The following SLC9B2 variants were observed in gnomAD, a reference collection of about 807,000 sequenced individuals.
SLC9B2 encodes the protein solute carrier family 9 member B2.
Under a neutral mutation model 52.2 loss-of-function variants are expected in SLC9B2, and 39 were observed. The ratio of observed to expected loss-of-function variants is 0.75; its 90% CI spans 0.58 to 0.98. SLC9B2 has a LOEUF of 0.98. Among genes scored for constraint, SLC9B2 ranks in the 50% least tolerant of loss-of-function variants. The pLI is 0.00. For missense variants in SLC9B2, 626 were observed against 637.5 expected, an observed-to-expected ratio of 0.98 and a Z score of 0.19; for synonymous variants, 214 against 227.0, an observed-to-expected ratio of 0.94 and a Z score of 0.51.
intron 11 of SLC9B2, among the ~76,000 whole-genome samples, chr4:103,027,211 G>A (rs1257623708): frequency 6.6e-6 from 1 of 152,088 alleles, no homozygotes. Context: ...AAAGTTCTAT[G>A]TACTAAATTT....
At chr4:103,021,178 C>A (rs2110556999), downstream of SLC9B2, among the ~76,000 whole-genome samples, 1 of 152,252 alleles carries the variant, frequency 6.6e-6, no homozygotes, top group South Asian at 2.1e-4. Context: ...CTGTTTGCCT[C>A]CAAGGCACTA....
chr4:103,046,766 C>T (rs996665011), intron 7 of SLC9B2, among the ~76,000 whole-genome samples: 1 of 151,696 alleles, frequency 6.6e-6, no homozygotes, highest in Non-Finnish European at 1.5e-5. Flanking sequence ...GAAGCCTGAA[C>T]GTTCCTGGAT....
At chr4:103,028,312 T>A (rs1231183480) in intron 11 of SLC9B2, among the ~76,000 whole-genome samples, 2 of 152,114 alleles carry the variant, frequency 1.3e-5, no homozygotes, top group Admixed American at 1.3e-4. Flanking sequence ...AAGACTCTGG[T>A]CAAGCTCAAC....
Position 103,047,044 on chromosome 4 carries a change from A to C in SLC9B2, c.889+7T>G. The C allele has an allele frequency of 6.2e-7, 1 of 1,613,626 alleles. No individual in the cohort carries two copies. ...GAGTAAAGCCTGTTGTGAACTGATTAGGTTACCTGTGGAAAAGGCTATGCC... is the reference window on the plus strand; with the variant it reads ...GAGTAAAGCCTGTTGTGAACTGATTCGGTTACCTGTGGAAAAGGCTATGCC... On this transcript the variant is annotated splice_region_variant and intron_variant, in intron 7 of 11. Coordinates refer to ENST00000394785, the MANE Select transcript of SLC9B2 (RefSeq NM_178833.7).
At position 103,074,703 on chromosome 4, in the gene SLC9B2, C is replaced by T. The variant is rs368837584; in HGVS notation, c.-43+1481G>A. 1.6e-4 allele frequency among the ~76,000 whole-genome samples: 24 copies of T among 152,324 alleles called. No homozygotes were observed. In the East Asian group the frequency reaches 2.1e-3, roughly 13 times the overall value. On this transcript the variant is annotated intron_variant, in intron 1 of 11. Transcript: ENST00000394785. ...GAAGTTAAATTGTAATATTTGAATA[C>T]TGAATGAAGAAAAGTTGGACTTATA...
At position 103,028,798 on chromosome 4, in the gene SLC9B2, T is replaced by C; in HGVS notation, c.1341A>G (p.Leu447=). The C allele has an allele frequency of 6.2e-7, 1 of 1,610,238 alleles. No homozygotes were observed. The highest frequency in any genetic ancestry group is 8.5e-7 in the Non-Finnish European group (1 of 1,178,756). The change falls in exon 11 of 12, where the codon TTA becomes TTG. Residue 447 remains leucine, a synonymous_variant. Transcript: ENST00000394785. The part of the protein sequence containing the change: ...FLMVCFAGFN[L]KEKIFISFAW... ...CAAAAGAAATAAATATCTTTTCTTT[T>C]AAGTTAAAACCAGCAAAACACACCA... is the stretch of plus-strand genomic sequence containing the variant.
chr4:103,038,124 G>A (rs1237804165), intron 9 of SLC9B2, among the ~76,000 whole-genome samples: 1 of 152,064 alleles, frequency 6.6e-6, no homozygotes, highest in African/African-American at 2.4e-5. Flanking sequence ...AGCCTCCAAA[G>A]TGCTGGGATT....
rs1330936462 is a variant in SLC9B2, at chr4:103,076,478, A to T, written c.-337T>A. On this transcript the variant is annotated 5_prime_UTR_variant, in exon 1 of 12. Transcript: ENST00000394785. ...AAGCATGGGTTGGTCCGGGGCCCGC[A>T]GCGGCAGCCCCGTGTGCCCTCCGCC... The T allele has an allele frequency of 6.6e-6, 1 of 152,162 alleles. No homozygotes were observed. The highest frequency in any genetic ancestry group is 2.4e-5 in the African/African-American group (1 of 41,430). 9.4% of individuals were successfully genotyped at this position (152,162 alleles called of 1,614,324 possible).
Position 103,026,283 on chromosome 4 carries a change from A to T in SLC9B2, c.*87T>A. 1.6e-6 allele frequency: 2 copies of T among 1,239,846 alleles called. No individual in the cohort carries two copies. The highest frequency in any genetic ancestry group is 1.5e-5 in the African/African-American group (1 of 66,376). The allele number at this position is 1,239,846 out of a possible 1,614,324, so 76.8% of individuals were successfully genotyped here. ...TACACTTTTGGTTCTATTACATTTT[A>T]AGCTTAAACATTACATATTTCAATA... On this transcript the variant is annotated 3_prime_UTR_variant, in exon 12 of 12. Transcript: ENST00000394785.
chr4:103,048,630 C>T (rs1296554472), intron 6 of SLC9B2: 1 of 305,242 alleles, frequency 3.3e-6, no homozygotes, highest in African/African-American at 2.2e-5. Flanking sequence ...AATCCGGTAT[C>T]TCTTTAACAG....
chr4:103,032,827 C>G (rs922578081), intron 9 of SLC9B2, among the ~76,000 whole-genome samples: 1 of 152,192 alleles, frequency 6.6e-6, no homozygotes, highest in African/African-American at 2.4e-5. Flanking sequence ...TCAGCAAATT[C>G]TGCAAGCACA....
chr4:103,052,566 C>T (rs1182914642), intron 4 of SLC9B2, among the ~76,000 whole-genome samples: 1 of 152,136 alleles, frequency 6.6e-6, no homozygotes, highest in Non-Finnish European at 1.5e-5. Flanking sequence ...ATTATCATTA[C>T]AATAGCTCTT....
intron 4 of SLC9B2, among the ~76,000 whole-genome samples, chr4:103,055,244 TG>T (rs1745028696): frequency 1.7e-5 from 1 of 57,310 alleles, no homozygotes. Flanking sequence ...TGTTGTGGGG[TG>T]GGGGGAGGGA....
At chr4:103,050,884 T>A (rs1424642020) in intron 4 of SLC9B2, among the ~76,000 whole-genome samples, 1 of 152,254 alleles carries the variant, frequency 6.6e-6, no homozygotes, top group African/African-American at 2.4e-5. Context: ...TGCCCTGTCA[T>A]GTCAGCTGGT....
At chr4:103,064,080 G>T (rs1402207661) in intron 3 of SLC9B2, among the ~76,000 whole-genome samples, 1 of 152,154 alleles carries the variant, frequency 6.6e-6, no homozygotes, top group East Asian at 1.9e-4. Context: ...ATGGAAAATG[G>T]TATGGAGAGT....
At chr4:103,019,510 TGCGGCC>T, downstream of SLC9B2, 1 of 917,410 alleles carries the variant, frequency 1.1e-6, no homozygotes, top group Non-Finnish European at 1.3e-6. Flanking sequence ...AAGGCCCTCC[TGCGGCC>T]TACCGCAAGG....
At chr4:103,057,275 C>CATAT (rs1745226656) in intron 4 of SLC9B2, among the ~76,000 whole-genome samples, 1 of 124,286 alleles carries the variant, frequency 8.0e-6, no homozygotes, top group African/African-American at 2.8e-5. Flanking sequence ...TATATATATA[C>CATAT]ACACACACAC....
At chr4:103,073,761 AAGTGAAATATACTT>A (rs1445032063) in intron 1 of SLC9B2, among the ~76,000 whole-genome samples, 1 of 152,210 alleles carries the variant, frequency 6.6e-6, no homozygotes, top group Non-Finnish European at 1.5e-5. Flanking sequence ...CTCCTCACCA[AAGTGAAATATACTT>A]ACTAAAAGTT....
rs1298864667 is a variant in SLC9B2 at position 103,067,686 on chromosome 4, C to T, written c.-42-94G>A. 18 of 696,884 alleles carry T rather than the reference C, an allele frequency of 2.6e-5. No individual in the cohort carries two copies. The East Asian group carries it at 4.1e-4, about 16-fold the overall frequency. 43.2% of individuals were successfully genotyped at this position (696,884 alleles called of 1,614,324 possible). A position where few individuals can be genotyped will look rare whatever the true frequency, so the allele number is the denominator to read the frequency against. On this transcript the variant is annotated intron_variant, in intron 1 of 11. Coordinates refer to ENST00000394785, the MANE Select transcript of SLC9B2 (RefSeq NM_178833.7). ...TACTTATTTTTTTCCCTAAAAATTC[C>T]GAATGGCTAAACTATTTGAAATTAG...
Sources: gnomAD v4.1 joint callset for allele counts (sites outside exome capture counted in the v4.1 genomes callset) on GRCh38, gnomAD v4.1.1 for gene constraint, MANE v1.5 for transcripts, NCBI Gene and HGNC (gene_info 2026-07-23, HGNC 2026-07-21) for gene names.